IRX2: variants seen among roughly 807,000 people sequenced by gnomAD.
The protein encoded by IRX2 is iroquois-class homeodomain protein IRX-2.
Under a neutral mutation model 42.9 loss-of-function variants are expected in IRX2, and 26 were observed. The observed-to-expected ratio is 0.61, with a 90% CI of 0.44 to 0.84. The LOEUF (loss-of-function observed/expected upper bound fraction) is 0.84, where lower values mean the gene tolerates loss of function less well. Ranked by LOEUF, IRX2 falls within the 40% of genes least tolerant of loss-of-function variation. The pLI, the probability that IRX2 is intolerant of heterozygous loss-of-function variation, is 0.00. For missense variants in IRX2, 782 were observed against 713.9 expected (o/e 1.10, Z -1.09); for synonymous variants, 424 against 353.9 (o/e 1.20, Z -2.22).
In IRX2 at chr5:2,747,323, T is replaced by G. The variant is rs549708752; in HGVS notation, c.*241A>C. On this transcript the variant is annotated 3_prime_UTR_variant, in exon 4 of 4. Coordinates refer to ENST00000302057, the MANE Select transcript of IRX2 (RefSeq NM_033267.5). ...CACACACACATATATATATATATTT[T>G]TTTTTTCCTTCCCTAGGTAAAGGAG... 1.2e-3 allele frequency: 391 copies of G among 335,882 alleles called. No individual in the cohort carries two copies. The highest frequency in any genetic ancestry group is 8.1e-3 in the African/African-American group (352 of 43,518). The allele number at this position is 335,882 out of a possible 1,614,324, so 20.8% of individuals were successfully genotyped here. A position where few individuals can be genotyped will look rare whatever the true frequency, so the allele number is the denominator to read the frequency against.
chr5:2,745,681 G>C (rs1028531543), downstream of IRX2, among the ~76,000 whole-genome samples: 1 of 152,058 alleles, frequency 6.6e-6, no homozygotes, highest in Non-Finnish European at 1.5e-5. Flanking sequence ...CCATAAATTT[G>C]AATAATTAGG....
downstream of IRX2, among the ~76,000 whole-genome samples, chr5:2,744,214 C>T (rs979961177): frequency 5.3e-5 from 8 of 151,932 alleles, no homozygotes; most frequent in Non-Finnish European, 7.4e-5. Context: ...TGAACATAAG[C>T]GCAAAGGTTA....
chr5:2,750,837 G>C (rs535123972), intron 1 of IRX2, among the ~76,000 whole-genome samples: 2 of 152,210 alleles, frequency 1.3e-5, no homozygotes, highest in Non-Finnish European at 2.9e-5. Context: ...CTGCGGTGCG[G>C]AAACCAGGGA....
downstream of IRX2, among the ~76,000 whole-genome samples, chr5:2,745,655 C>T (rs1027404043): frequency 1.3e-5 from 2 of 152,230 alleles, no homozygotes; most frequent in Middle Eastern, 3.4e-3. Context: ...AGGAAAAGGA[C>T]AGTTAAGAAA....
At chr5:2,749,130 G>A in intron 2 of IRX2, 78 bp from the exon 3 acceptor site, 3 of 1,533,754 alleles carry the variant, frequency 2.0e-6, no homozygotes, top group South Asian at 1.2e-5. Flanking sequence ...CCTGTCCTGC[G>A]GCACTGGGCC....
At chr5:2,740,357 TCTCCTGCGACTGTTC>T in the IRX2 span, among the ~76,000 whole-genome samples, 16 of 151,590 alleles carry the variant, frequency 1.1e-4, no homozygotes, top group African/African-American at 3.9e-4. Flanking sequence ...GCTCACCCCC[TCTCCTGCGACTGTTC>T]CCTGACCTGC....
chr5:2,740,975 C>G (rs1048080013), downstream of IRX2, among the ~76,000 whole-genome samples: 1 of 152,244 alleles, frequency 6.6e-6, no homozygotes, highest in Admixed American at 6.5e-5. Flanking sequence ...AATCTGGTCA[C>G]TCACCTCCTA....
chr5:2,742,309 C>A (rs564683630), downstream of IRX2, among the ~76,000 whole-genome samples: 1 of 152,322 alleles, frequency 6.6e-6, no homozygotes, highest in African/African-American at 2.4e-5. Context: ...TGAGTGCTTT[C>A]ATTATGGCCA....
downstream of IRX2, chr5:2,746,092 A>G (rs1737655688): frequency 6.6e-6 from 1 of 151,532 alleles, no homozygotes; most frequent in Admixed American, 6.6e-5. Flanking sequence ...GTGAGGTCAG[A>G]TCACCTGGAG....
intron 3 of IRX2, 142 bp downstream of exon 3, chr5:2,748,203 C>G (rs1579626067): frequency 1.5e-6 from 1 of 675,192 alleles, no homozygotes; most frequent in African/African-American, 1.9e-5. Flanking sequence ...TCGCCCTCCG[C>G]CCTCACTCTG....
In IRX2 at chr5:2,747,302, C is replaced by A; in HGVS notation, c.*262G>T. Reference sequence around the variant, plus strand: ...CATATATATATTACACACACACACACACACATATATATATATATTTTTTTT... The same window carrying A: ...CATATATATATTACACACACACACAAACACATATATATATATATTTTTTTT... On this transcript the variant is annotated 3_prime_UTR_variant, in exon 4 of 4. Coordinates refer to ENST00000302057, the MANE Select transcript of IRX2 (RefSeq NM_033267.5). 4.1e-6 allele frequency: 1 copy of A among 246,748 alleles called. No individual in the cohort carries two copies. The highest frequency in any genetic ancestry group is 6.0e-5 in the East Asian group (1 of 16,700). 15.3% of individuals were successfully genotyped at this position (246,748 alleles called of 1,614,324 possible). A position where few individuals can be genotyped will look rare whatever the true frequency, so the allele number is the denominator to read the frequency against.
At chr5:2,740,756 G>A in the IRX2 span, among the ~76,000 whole-genome samples, 6 of 152,062 alleles carry the variant, frequency 3.9e-5, no homozygotes, top group African/African-American at 9.7e-5. Context: ...CAGGGCACCA[G>A]GCAGGCAGCC....
downstream of IRX2, among the ~76,000 whole-genome samples, chr5:2,745,260 A>T (rs1425157072): frequency 6.6e-6 from 1 of 152,228 alleles, no homozygotes; most frequent in African/African-American, 2.4e-5. Context: ...CTCTTGAAAA[A>T]TAAGTGTATG....
chr5:2,747,937 T>G (rs1230773582), intron 3 of IRX2, among the ~76,000 whole-genome samples: 1 of 152,160 alleles, frequency 6.6e-6, no homozygotes, highest in Non-Finnish European at 1.5e-5. Flanking sequence ...AAAACGCCTC[T>G]GAGAGTAACT....
chr5:2,749,074 G>A, intron 2 of IRX2, 22 bp from the exon 3 acceptor site: 1 of 1,592,392 alleles, frequency 6.3e-7, no homozygotes, highest in Non-Finnish European at 8.5e-7. Flanking sequence ...CGGGCACGGT[G>A]GGTGGCACGA....
rs1737864594 is a variant in IRX2, at chr5:2,749,782, T to G, written c.255A>C (p.Ala85=). Residue 85 remains alanine, a synonymous_variant, in exon 2 of 4, where the codon GCA becomes GCC. Coordinates refer to ENST00000302057, the MANE Select transcript of IRX2 (RefSeq NM_033267.5). Reference sequence around the variant, plus strand: ...TGCCGGTGGTGTGCGCGTCGTAGGGTGCGCCCTGGAACCAACAAGAGCCTG... The same window carrying G: ...TGCCGGTGGTGTGCGCGTCGTAGGGGGCGCCCTGGAACCAACAAGAGCCTG... ...AAAGFPSYMG[A]PYDAHTTGMT... is the part of the protein sequence containing the mutation. 1 of 1,602,568 alleles carries G rather than the reference T, an allele frequency of 6.2e-7. No individual in the cohort carries two copies. Among genetic ancestry groups the G allele is most frequent in the African/African-American group, 1.3e-5 (1 of 74,638 alleles).
chr5:2,740,230 C>T, the IRX2 span, among the ~76,000 whole-genome samples: 10 of 151,860 alleles, frequency 6.6e-5, no homozygotes, highest in Admixed American at 5.9e-4. Context: ...TCTCGGTCTG[C>T]GGCCTCCCTG....
chr5:2,742,569 A>G (rs1056782128), downstream of IRX2, among the ~76,000 whole-genome samples: 1 of 152,216 alleles, frequency 6.6e-6, no homozygotes, highest in African/African-American at 2.4e-5. Context: ...AATAGTTAAA[A>G]TGTTATGTTT....
intron 1 of IRX2, among the ~76,000 whole-genome samples, chr5:2,750,497 C>T (rs1460037795): frequency 6.6e-6 from 1 of 152,208 alleles, no homozygotes; most frequent in Non-Finnish European, 1.5e-5. Context: ...TCGAGACTCG[C>T]GAGCCGCCCC....
Sources: allele counts gnomAD v4.1 joint callset (sites outside exome capture counted in the v4.1 genomes callset), GRCh38; gene constraint gnomAD v4.1.1; transcripts MANE v1.5; gene names NCBI Gene and HGNC (gene_info 2026-07-23, HGNC 2026-07-21).